MYPN: variants seen among roughly 807,000 people sequenced by gnomAD.
The protein encoded by MYPN is myopalladin.
In MYPN, 63 loss-of-function variants were observed where a neutral mutation model predicts 129.4. That is an observed-to-expected ratio of 0.49 (90% CI 0.40 to 0.60). The LOEUF (loss-of-function observed/expected upper bound fraction) is 0.60. Among genes scored for constraint, MYPN ranks in the 20% least tolerant of loss-of-function variants. MYPN has a pLI of 0.00. For synonymous variants in MYPN, 629 were observed against 600.9 expected, an observed-to-expected ratio of 1.05 and a Z score of -0.68; for missense variants, 1,596 against 1,635.4, an observed-to-expected ratio of 0.98 and a Z score of 0.42.
At chr10:68,185,069 C>G (rs1417372273) in intron 12 of MYPN, among the ~76,000 whole-genome samples, 1 of 151,264 alleles carries the variant, frequency 6.6e-6, no homozygotes, top group African/African-American at 2.4e-5. Flanking sequence ...CTTTGGGAGG[C>G]CAGGGCAGGT....
chr10:68,113,800 A>G (rs774446081), intron 1 of MYPN, among the ~76,000 whole-genome samples: 1 of 152,212 alleles, frequency 6.6e-6, no homozygotes, highest in Non-Finnish European at 1.5e-5. Context: ...TGTGGTGTAC[A>G]AGGTAATGTT....
chr10:68,127,007 C>T (rs1459903624), intron 2 of MYPN, among the ~76,000 whole-genome samples: 1 of 152,154 alleles, frequency 6.6e-6, no homozygotes, highest in African/African-American at 2.4e-5. Flanking sequence ...GTGATTTTGA[C>T]ACAGAGTCTC....
At chr10:68,165,510 T>C (rs1409100171) in intron 8 of MYPN, 192 bp from the exon 9 acceptor site, 2 of 679,950 alleles carry the variant, frequency 2.9e-6, no homozygotes, top group African/African-American at 3.5e-5. Flanking sequence ...TTATTGTTTC[T>C]ACATTCTTTG....
rs1003969153 is a variant in MYPN at position 68,166,415 on chromosome 10, C to T, written c.1722C>T (p.Pro574=). 4 of 1,614,130 alleles carry T rather than the reference C, an allele frequency of 2.5e-6. No homozygotes were observed. The highest frequency in any genetic ancestry group is 3.4e-6 in the Non-Finnish European group (4 of 1,180,034). The change falls in exon 10 of 20, where the codon CCC becomes CCT. Residue 574 remains proline (P), a synonymous_variant. Transcript: ENST00000358913. The part of the protein sequence containing the change: ...HSEPPSVEQP[P]KPKLEGVLVN... ...AGCCTCCATCTGTGGAACAACCCCC[C>T]AAACCCAAACTCGAGGGGGTTCTGG...
intron 4 of MYPN, among the ~76,000 whole-genome samples, chr10:68,147,462 A>T (rs2134085436): frequency 6.6e-6 from 1 of 152,230 alleles, no homozygotes; most frequent in East Asian, 1.9e-4. Flanking sequence ...CCCTCCGGGA[A>T]TTATTATTTC....
chr10:68,090,384 CG>C (rs2041925439), intron 1 of MYPN, among the ~76,000 whole-genome samples: 1 of 152,062 alleles, frequency 6.6e-6, no homozygotes, highest in South Asian at 2.1e-4. Context: ...AGGCTGGTTT[CG>C]AACTCCTGAC....
At chr10:68,164,396 T>C (rs1229885282) in intron 8 of MYPN, among the ~76,000 whole-genome samples, 2 of 152,114 alleles carry the variant, frequency 1.3e-5, no homozygotes, top group Non-Finnish European at 2.9e-5. Context: ...CCTAAACACC[T>C]CCCTTTAGGC....
At chr10:68,151,445 A>T (rs542609323) in intron 6 of MYPN, among the ~76,000 whole-genome samples, 2 of 152,310 alleles carry the variant, frequency 1.3e-5, no homozygotes, top group South Asian at 2.1e-4. Flanking sequence ...GGAGAGCAAC[A>T]TGTTGTGATT....
chr10:68,121,633 C>A lies in MYPN; in HGVS notation c.195C>A (p.Ala65=). The A allele has an allele frequency of 4.3e-6, 7 of 1,614,192 alleles. No individual in the cohort carries two copies. The highest frequency in any genetic ancestry group is 1.1e-5 in the South Asian group (1 of 91,084). The part of the protein sequence containing the change: ...GGQDDLPDLS[A]FLSQEELDES... ...AAGATGACCTTCCAGATCTTTCAGC[C>A]TTTCTGAGCCAAGAAGAATTAGACG... The change falls in exon 2 of 20, where the codon GCC becomes GCA. Residue 65 remains alanine, a synonymous_variant. Transcript: ENST00000358913.
At chr10:68,099,298 C>A (rs983624758) in intron 1 of MYPN, among the ~76,000 whole-genome samples, 2 of 152,100 alleles carry the variant, frequency 1.3e-5, no homozygotes, top group Admixed American at 6.6e-5. Flanking sequence ...CTTAACTTTC[C>A]TATATACAAA....
In MYPN at chr10:68,191,216, C is replaced by CTT. The variant is rs56335317; in HGVS notation, c.2925+2101_2925+2102dup. On this transcript the variant is annotated intron_variant, in intron 13 of 19. Transcript: ENST00000358913. ...AATTTTAGAATTGTTTTTTCTATTT[C>CTT]TTTTTTTTTTTTCTTTTTTGAGACA... Among the ~76,000 whole-genome samples the CTT allele has an allele frequency of 3.3e-3, 476 of 144,100 alleles. 1 individual carries two copies. Among genetic ancestry groups the CTT allele is most frequent in the African/African-American group, 5.2e-3 (205 of 39,338 alleles). 94.5% of individuals were successfully genotyped at this position (144,100 alleles called of 152,430 possible).
At chr10:68,099,456 G>A (rs1460337271) in intron 1 of MYPN, among the ~76,000 whole-genome samples, 6 of 152,000 alleles carry the variant, frequency 3.9e-5, no homozygotes, top group African/African-American at 1.5e-4. Flanking sequence ...CCAACATGGT[G>A]ACACCCAGTC....
At chr10:68,122,808 A>G (rs1298697259) in intron 2 of MYPN, among the ~76,000 whole-genome samples, 1 of 152,076 alleles carries the variant, frequency 6.6e-6, no homozygotes, top group Non-Finnish European at 1.5e-5. Context: ...AGGCTGAGGC[A>G]GGAAAATCGC....
intron 12 of MYPN, among the ~76,000 whole-genome samples, chr10:68,188,411 C>T (rs1439564944): frequency 2.8e-5 from 4 of 144,362 alleles, no homozygotes; most frequent in East Asian, 2.0e-4. Context: ...TGCCTGGCCT[C>T]TTTTTTTTTT....
intron 12 of MYPN, among the ~76,000 whole-genome samples, chr10:68,187,630 C>T (rs1406232615): frequency 6.6e-6 from 1 of 152,062 alleles, no homozygotes; most frequent in Admixed American, 6.6e-5. Context: ...CCATTAGACA[C>T]CATAATGTAG....
chr10:68,175,365 A>T lies in MYPN; in HGVS notation c.2607A>T (p.Gln869His). 6.2e-7 allele frequency: 1 copy of T among 1,614,120 alleles called. No homozygotes were observed. Among genetic ancestry groups the T allele is most frequent in the Non-Finnish European group, 8.5e-7 (1 of 1,179,980 alleles). ...GLAKKNTKSP[Q>H]PVNDDNIRET... is the part of the protein sequence containing the mutation. ...CGAAGAAAAATACAAAGTCTCCTCA[A>T]CCAGTGAATGATGATAACATTCGTG... Residue 869 changes from glutamine to histidine, a missense_variant, in exon 12 of 20, where the codon CAA becomes CAT. Physicochemically the swap from Gln to His is conservative, Grantham distance 24. Transcript: ENST00000358913.
At position 68,197,490 on chromosome 10, in the gene MYPN, C is replaced by A; in HGVS notation, c.3285+12C>A. On this transcript the variant is annotated intron_variant, in intron 16 of 19. Coordinates refer to ENST00000358913, the MANE Select transcript of MYPN (RefSeq NM_032578.4). ...GGCTGGACTGTAAGGTAGACTCCAG[C>A]ACCCATGCTTAGTTCCAGATCTGTT... The A allele has an allele frequency of 6.2e-7, 1 of 1,613,150 alleles. No homozygotes were observed. The highest frequency in any genetic ancestry group is 1.1e-5 in the South Asian group (1 of 91,060).
At chr10:68,208,701 A>G (rs1231958240) in intron 19 of MYPN, among the ~76,000 whole-genome samples, 1 of 151,904 alleles carries the variant, frequency 6.6e-6, no homozygotes, top group Non-Finnish European at 1.5e-5. Flanking sequence ...CTTCCATAGC[A>G]CCAACAATAG....
At chr10:68,097,548 G>A (rs1328702902) in intron 1 of MYPN, among the ~76,000 whole-genome samples, 1 of 152,108 alleles carries the variant, frequency 6.6e-6, no homozygotes, top group African/African-American at 2.4e-5. Context: ...TAGGAGCCAG[G>A]CATTGTTCTA....
Sources: gnomAD v4.1 joint callset for allele counts (sites outside exome capture counted in the v4.1 genomes callset) on GRCh38, gnomAD v4.1.1 for gene constraint, MANE v1.5 for transcripts, NCBI Gene and HGNC (gene_info 2026-07-23, HGNC 2026-07-21) for gene names.